BLTP1: variants seen among roughly 807,000 people sequenced by gnomAD.
BLTP1 encodes fragile site-associated protein.
chr4:122,190,507 G>A, the BLTP1 span: 5 of 832,516 alleles, frequency 6.0e-6, no homozygotes, highest in Non-Finnish European at 7.2e-6. Context: ...AATGGTAAAT[G>A]TAGATAAGAG....
chr4:122,326,030 T>G, the BLTP1 span: 2 of 284,500 alleles, frequency 7.0e-6, no homozygotes, highest in Non-Finnish European at 1.5e-5. Context: ...TCAGAAATAT[T>G]TTACATAATG....
the BLTP1 span, chr4:122,317,014 A>G: frequency 1.9e-6 from 1 of 513,092 alleles, no homozygotes. Context: ...AATTTGGTCA[A>G]GATTATACAC....
chr4:122,204,501 CTT>C, the BLTP1 span: 1 of 979,472 alleles, frequency 1.0e-6, no homozygotes, highest in Non-Finnish European at 1.2e-6. Flanking sequence ...CTTGGGCAGA[CTT>C]ATGAGGCTAG....
the BLTP1 span, chr4:122,353,175 G>A: frequency 5.6e-6 from 9 of 1,609,330 alleles, no homozygotes; most frequent in Non-Finnish European, 7.6e-6. This position sits in a 1 kb window ranked among gnomAD's most constrained non-coding sequence, Gnocchi z 4.3. Context: ...CACATTTCCA[G>A]CTTTTACTTT....
chr4:122,215,187 T>A, the BLTP1 span: 31 of 270,020 alleles, frequency 1.1e-4, no homozygotes, highest in Middle Eastern at 1.9e-3. Context: ...CATTCAGTGT[T>A]CCCTAAAGAA....
chr4:122,222,087 A>C, the BLTP1 span: 26 of 172,080 alleles, frequency 1.5e-4, no homozygotes, highest in Admixed American at 5.9e-4. Flanking sequence ...TAGAAGTACT[A>C]GTGATAATTC....
the BLTP1 span, chr4:122,336,006 A>G: frequency 2.1e-6 from 1 of 474,600 alleles, no homozygotes; most frequent in South Asian, 4.1e-5. Flanking sequence ...AACTTATTAT[A>G]TGTTATTAAT....
chr4:122,296,560 A>G, the BLTP1 span, among the ~76,000 whole-genome samples: 1 of 152,216 alleles, frequency 6.6e-6, no homozygotes, highest in Non-Finnish European at 1.5e-5. Flanking sequence ...AACATTAGAA[A>G]AAACTATTTT....
chr4:122,243,758 A>G, the BLTP1 span: 12 of 1,324,104 alleles, frequency 9.1e-6, no homozygotes, highest in Non-Finnish European at 1.2e-5. Context: ...TAAAATTTTT[A>G]GTTGTAATGA....
At chr4:122,259,664 A>G in the BLTP1 span, among the ~76,000 whole-genome samples, 1 of 152,140 alleles carries the variant, frequency 6.6e-6, no homozygotes, top group Non-Finnish European at 1.5e-5. Flanking sequence ...GTTCAAGACC[A>G]GCCTGGCCAA....
the BLTP1 span, chr4:122,249,195 GA>G: frequency 1.7e-6 from 1 of 598,766 alleles, no homozygotes; most frequent in Non-Finnish European, 2.1e-6. Context: ...CTACTGTGAA[GA>G]TAAATTATTT....
chr4:122,170,346 T>A, the BLTP1 span: 1 of 965,866 alleles, frequency 1.0e-6, no homozygotes, highest in Non-Finnish European at 1.2e-6. Context: ...CACATTCCTG[T>A]TATTTTGAGC....
the BLTP1 span, chr4:122,170,471 T>G: frequency 7.7e-7 from 1 of 1,300,602 alleles, no homozygotes; most frequent in South Asian, 1.9e-5. Context: ...ATTTTTGTTG[T>G]ATTTTTGCAT....
chr4:122,319,844 T>G, the BLTP1 span, among the ~76,000 whole-genome samples: 6 of 152,132 alleles, frequency 3.9e-5, no homozygotes, highest in Non-Finnish European at 8.8e-5. Flanking sequence ...TGGCCATGAT[T>G]TATAATTTTT....
chr4:122,285,932 A>G, the BLTP1 span, among the ~76,000 whole-genome samples: 1 of 152,220 alleles, frequency 6.6e-6, no homozygotes, highest in Non-Finnish European at 1.5e-5. Context: ...ATTATGTGCT[A>G]GATTATTGAT....
chr4:122,359,295 A>G, the BLTP1 span: 1 of 974,002 alleles, frequency 1.0e-6, no homozygotes, highest in Admixed American at 6.1e-5. Context: ...TAGGAAACCT[A>G]CAACTATCAA....
the BLTP1 span, chr4:122,333,614 T>C: frequency 7.1e-5 from 111 of 1,567,932 alleles, no homozygotes; most frequent in Middle Eastern, 8.6e-4. Context: ...GATAAGAACA[T>C]TTTTCTGTTC....
chr4:122,242,983 T>C, the BLTP1 span: 2 of 1,402,806 alleles, frequency 1.4e-6, no homozygotes, highest in East Asian at 2.3e-5. Context: ...TAGACTATAG[T>C]ATTTTATATT....
At chr4:122,340,681 A>T in the BLTP1 span, 3 of 979,976 alleles carry the variant, frequency 3.1e-6, no homozygotes, top group African/African-American at 5.2e-5. Flanking sequence ...TTAGAAATAA[A>T]GCTTTTGCTA....
Sources: gnomAD v4.1 joint callset for allele counts (sites outside exome capture counted in the v4.1 genomes callset) on GRCh38, gnomAD v4.1.1 for gene constraint, Gnocchi (gnomAD v3.1) non-coding constraint, MANE v1.5 for transcripts, NCBI Gene and HGNC (gene_info 2026-07-23, HGNC 2026-07-21) for gene names.